The following CPS1 variants were observed in gnomAD, a reference collection of about 807,000 sequenced individuals.
CPS1 encodes carbamoyl-phosphate synthase [ammonia], mitochondrial.
In CPS1, 109 loss-of-function variants were observed where a neutral mutation model predicts 174.6. The ratio of observed to expected loss-of-function variants is 0.62; its 90% CI spans 0.53 to 0.73. CPS1 has a LOEUF of 0.73. Among genes scored for constraint, CPS1 ranks in the 30% least tolerant of loss-of-function variants. The pLI, the probability that CPS1 is intolerant of heterozygous loss-of-function variation, is 0.00. For synonymous variants in CPS1, 637 were observed against 632.0 expected, an observed-to-expected ratio of 1.01 and a Z score of -0.12; for missense variants, 1,689 against 1,821.9, an observed-to-expected ratio of 0.93 and a Z score of 1.33.
intron 4 of CPS1, among the ~76,000 whole-genome samples, chr2:210,579,426 A>C (rs887008740): frequency 2.6e-5 from 4 of 152,192 alleles, no homozygotes; most frequent in African/African-American, 9.6e-5. Flanking sequence ...GATTTAACTT[A>C]CTTAACATCC....
chr2:210,549,068 C>G (rs1048197042), intron 1 of CPS1, among the ~76,000 whole-genome samples: 1 of 152,006 alleles, frequency 6.6e-6, no homozygotes, highest in Non-Finnish European at 1.5e-5. Flanking sequence ...CCTTACACTT[C>G]ACGAAGTCGG....
At chr2:210,584,229 G>A (rs1031646813) in intron 6 of CPS1, among the ~76,000 whole-genome samples, 1 of 152,056 alleles carries the variant, frequency 6.6e-6, no homozygotes, top group Non-Finnish European at 1.5e-5. Context: ...TACATGTGGA[G>A]AATTTAGCCC....
At chr2:210,510,720 G>A (rs1197072647) in intron 1 of CPS1, among the ~76,000 whole-genome samples, 2 of 152,174 alleles carry the variant, frequency 1.3e-5, no homozygotes, top group Non-Finnish European at 2.9e-5. Context: ...AGTGGGCGAA[G>A]GATATGAACA....
chr2:210,539,388 T>C (rs115792375), intron 1 of CPS1, among the ~76,000 whole-genome samples: 158 of 152,350 alleles, frequency 1.0e-3, no homozygotes, highest in African/African-American at 3.5e-3. Context: ...AGATTTGGAA[T>C]TATCCGCAGT....
chr2:210,606,986 A>T (rs760574271), intron 18 of CPS1, 45 bp downstream of exon 18: 2 of 1,554,516 alleles, frequency 1.3e-6, no homozygotes, highest in African/African-American at 2.7e-5. Flanking sequence ...TTCTTTTCAG[A>T]TAGAAATGAA....
intron 1 of CPS1, among the ~76,000 whole-genome samples, chr2:210,501,196 C>A (rs1362829654): frequency 6.6e-6 from 1 of 152,084 alleles, no homozygotes; most frequent in African/African-American, 2.4e-5. Context: ...ATATTTTCCT[C>A]CCAGGCCTCT....
rs1701472284 is a variant in CPS1 at position 210,674,915 on chromosome 2, C to T, written c.4115C>T (p.Pro1372Leu). Residue 1372 changes from proline to leucine, a missense_variant, in exon 35 of 38, where the codon CCA (proline) becomes CTA (leucine). Transcript: ENST00000233072. ...ILIGIQQSFR[P>L]RFLGVAEQLH... ...ATTCCTTTTCAGCAATCATTCCGGC[C>T]AAGATTCCTTGGTGTGGCTGAACAA... 1 of 1,613,606 alleles carries T rather than the reference C, an allele frequency of 6.2e-7. No individual in the cohort carries two copies. Among genetic ancestry groups the T allele is most frequent in the African/African-American group, 1.3e-5 (1 of 74,908 alleles).
At position 210,525,234 on chromosome 2, in the gene CPS1, T is replaced by C. The variant is rs1695941776; in HGVS notation, c.4-31485T>C. 2.0e-5 allele frequency among the ~76,000 whole-genome samples: 3 copies of C among 151,920 alleles called. No individual in the cohort carries two copies. In the South Asian group the frequency reaches 6.2e-4, roughly 31 times the overall value. On this transcript the variant is annotated intron_variant, in intron 1 of 38. Coordinates refer to the CPS1 transcript ENST00000430249. ...CAGGCACACCATGTAAAACTTAGTA[T>C]ATATAAGCATATATAATTTCTCTGA... is the stretch of plus-strand genomic sequence containing the variant.
chr2:210,639,456 C>CA (rs1242874157), intron 23 of CPS1, among the ~76,000 whole-genome samples: 1 of 149,916 alleles, frequency 6.7e-6, no homozygotes, highest in Admixed American at 6.6e-5. Context: ...ACTAAAAATA[C>CA]AAAAAATTAG....
chr2:210,597,843 C>A (rs1168084344), intron 13 of CPS1, among the ~76,000 whole-genome samples: 2 of 148,302 alleles, frequency 1.3e-5, no homozygotes, highest in African/African-American at 5.2e-5. Context: ...CACACACACA[C>A]AAACATACAC....
chr2:210,506,471 A>G (rs578241065), intron 1 of CPS1, among the ~76,000 whole-genome samples: 14 of 152,328 alleles, frequency 9.2e-5, no homozygotes, highest in Admixed American at 3.9e-4. Context: ...CTAAAATCAG[A>G]GCGCCTCTTC....
intron 1 of CPS1, among the ~76,000 whole-genome samples, chr2:210,486,158 A>ACC (rs1553717555): frequency 2.8e-4 from 31 of 112,004 alleles, no homozygotes; most frequent in African/African-American, 9.4e-4. Context: ...ACACACACAC[A>ACC]CCCTGTATAT....
intron 6 of CPS1, among the ~76,000 whole-genome samples, chr2:210,583,922 C>G (rs543631590): frequency 6.6e-6 from 1 of 152,058 alleles, no homozygotes; most frequent in African/African-American, 2.4e-5. Context: ...AGAACAGATA[C>G]GGCAACCTAG....
At chr2:210,536,319 A>AAT (rs1175133564) in intron 1 of CPS1, among the ~76,000 whole-genome samples, 33 of 137,798 alleles carry the variant, frequency 2.4e-4, no homozygotes, top group African/African-American at 9.4e-4. Flanking sequence ...GTGTTTAGGT[A>AAT]CTTTTTTTTT....
intron 33 of CPS1, among the ~76,000 whole-genome samples, chr2:210,667,357 G>T (rs950288699): frequency 2.6e-5 from 4 of 151,990 alleles, no homozygotes; most frequent in African/African-American, 7.2e-5. Context: ...TTACTCTAAT[G>T]GTGGTTCTGT....
rs776329329 is a variant in CPS1 at position 210,592,897 on chromosome 2, A to C, written c.1105A>C (p.Lys369Gln). 5 of 1,612,494 alleles carry C rather than the reference A, an allele frequency of 3.1e-6. No individual in the cohort carries two copies. The Middle Eastern group carries it at 6.6e-4, about 213-fold the overall frequency. Residue 369 changes from lysine (K) to glutamine (Q), a missense_variant, in exon 11 of 38, where the codon AAA becomes CAA. Transcript: ENST00000233072. ...QTNEGIMHES[K>Q]PFFAVQFHPE... ...CCTTTAGGGGATTATGCATGAGAGC[A>C]AACCCTTCTTCGCTGTGCAGTTCCA...
intron 1 of CPS1, among the ~76,000 whole-genome samples, chr2:210,571,776 A>T (rs1452013105): frequency 3.3e-5 from 5 of 151,782 alleles, no homozygotes; most frequent in Admixed American, 6.6e-5. Flanking sequence ...TGAAAAATTG[A>T]GTGCATGTTA....
At chr2:210,644,416 A>G (rs185332364) in intron 25 of CPS1, among the ~76,000 whole-genome samples, 1 of 152,244 alleles carries the variant, frequency 6.6e-6, no homozygotes, top group East Asian at 1.9e-4. Flanking sequence ...GACAGAATTG[A>G]GGTTCATTTA....
rs1360469540 is a variant in CPS1, at chr2:210,616,516, G to C, written c.2662G>C (p.Glu888Gln). Reference sequence around the variant, plus strand: ...TAAGATGCGTGATATTTTAAACATGGAAAAGACACTGAAAGGCCTCAACAG... The same window carrying C: ...TAAGATGCGTGATATTTTAAACATGCAAAAGACACTGAAAGGCCTCAACAG... ...LYKMRDILNMEKTLKGLNSES... is the reference protein window; with the variant it reads ...LYKMRDILNMQKTLKGLNSES... Residue 888 changes from glutamate to glutamine, a missense_variant, in exon 21 of 38, where the codon GAA (glutamate) becomes CAA (glutamine). Glu to Gln is a conservative substitution (Grantham distance 29). Coordinates refer to ENST00000233072, the MANE Select transcript of CPS1 (RefSeq NM_001875.5). The C allele has an allele frequency of 6.2e-7, 1 of 1,609,518 alleles. No homozygotes were observed. Among genetic ancestry groups the C allele is most frequent in the East Asian group, 2.2e-5 (1 of 44,804 alleles).
Sources: gnomAD v4.1 joint callset for allele counts (sites outside exome capture counted in the v4.1 genomes callset) on GRCh38, gnomAD v4.1.1 for gene constraint, MANE v1.5 for transcripts, NCBI Gene and HGNC (gene_info 2026-07-23, HGNC 2026-07-21) for gene names.